TBC1D32: variants seen among roughly 807,000 people sequenced by gnomAD.
The protein encoded by TBC1D32 is protein broad-minded.
TBC1D32 carries 151 observed loss-of-function variants against 170.3 expected under a neutral mutation model. That is an observed-to-expected ratio of 0.89 (90% confidence interval 0.78 to 1.01). The LOEUF is 1.01. Among genes scored for constraint, TBC1D32 ranks in the 50% least tolerant of loss-of-function variants. The pLI is 0.00. For missense variants in TBC1D32, 1,464 were observed against 1,457.1 expected (o/e 1.00, Z -0.08); for synonymous variants, 498 against 488.0 (o/e 1.02, Z -0.27).
intron 24 of TBC1D32, among the ~76,000 whole-genome samples, chr6:121,132,297 C>A (rs532364007): frequency 6.6e-6 from 1 of 152,044 alleles, no homozygotes; most frequent in African/African-American, 2.4e-5. Flanking sequence ...ACAGCAAGTG[C>A]AAGATCACGT....
chr6:121,300,165 C>T (rs1806250190), intron 9 of TBC1D32, among the ~76,000 whole-genome samples: 4 of 151,962 alleles, frequency 2.6e-5, no homozygotes, highest in Admixed American at 2.0e-4. Flanking sequence ...AAATATTGGC[C>T]GGGCACAGTG....
At chr6:121,192,400 G>T (rs1035363627) in intron 22 of TBC1D32, 1 of 152,068 alleles carries the variant, frequency 6.6e-6, no homozygotes, top group Non-Finnish European at 1.5e-5. Context: ...GAGAACCAAG[G>T]AACATAATGA....
intron 24 of TBC1D32, among the ~76,000 whole-genome samples, chr6:121,158,306 T>C (rs1785172491): frequency 6.6e-6 from 1 of 152,198 alleles, no homozygotes; most frequent in African/African-American, 2.4e-5. Context: ...GACTATGCTT[T>C]AGGACTAATT....
At chr6:121,231,021 G>A (rs1333591769) in intron 20 of TBC1D32, among the ~76,000 whole-genome samples, 4 of 152,036 alleles carry the variant, frequency 2.6e-5, no homozygotes, top group African/African-American at 9.7e-5. Flanking sequence ...TCACACATAT[G>A]AGTGAGAACA....
intron 20 of TBC1D32, among the ~76,000 whole-genome samples, chr6:121,234,795 T>A (rs1033747096): frequency 6.6e-6 from 1 of 152,114 alleles, no homozygotes; most frequent in African/African-American, 2.4e-5. Context: ...AAACTTATTT[T>A]GTCATATTAC....
chr6:121,263,839 T>C (rs1355380117), intron 15 of TBC1D32, among the ~76,000 whole-genome samples: 1 of 152,096 alleles, frequency 6.6e-6, no homozygotes, highest in Non-Finnish European at 1.5e-5. Context: ...GAATGACTCC[T>C]AGGTAAATAA....
chr6:121,191,313 G>A (rs996054896), intron 22 of TBC1D32, among the ~76,000 whole-genome samples: 2 of 152,052 alleles, frequency 1.3e-5, no homozygotes, highest in East Asian at 1.9e-4. Flanking sequence ...AATGTAAATC[G>A]CAATTCCTTT....
intron 31 of TBC1D32, among the ~76,000 whole-genome samples, chr6:121,082,819 T>C (rs1293122113): frequency 6.6e-6 from 1 of 151,924 alleles, no homozygotes; most frequent in Non-Finnish European, 1.5e-5. Flanking sequence ...GTAAATGCCC[T>C]GATAACTACA....
intron 1 of TBC1D32, among the ~76,000 whole-genome samples, chr6:121,333,152 G>C (rs1198180844): frequency 6.6e-6 from 1 of 152,136 alleles, no homozygotes; most frequent in Non-Finnish European, 1.5e-5. Flanking sequence ...CCAAGAGACA[G>C]TAAAGGTAGT....
chr6:121,097,431 CAT>C lies in TBC1D32; in HGVS notation c.3466-6392_3466-6391del, dbSNP rs1358628237. The stretch of plus-strand genomic sequence containing the variant: ...AGAAGACATTTATGCAGCCAACAAA[CAT>C]ATGAAAAAAAGTTCATTATCACTGG... On this transcript the variant is annotated intron_variant, in intron 30 of 31. Coordinates refer to ENST00000398212, the MANE Select transcript of TBC1D32 (RefSeq NM_152730.6). Among the ~76,000 whole-genome samples, 4 of 152,186 alleles carry C rather than the reference CAT, an allele frequency of 2.6e-5. No individual in the cohort carries two copies. In the East Asian group the frequency reaches 7.7e-4, roughly 29 times the overall value.
intron 24 of TBC1D32, among the ~76,000 whole-genome samples, chr6:121,145,887 G>T (rs939444579): frequency 3.3e-5 from 5 of 152,174 alleles, no homozygotes; most frequent in African/African-American, 1.2e-4. Context: ...TCTGTATAAA[G>T]TTGATGAAAA....
chr6:121,131,950 A>C (rs1781487233), intron 24 of TBC1D32, among the ~76,000 whole-genome samples, 198 bp from the exon 25 acceptor site: 1 of 152,026 alleles, frequency 6.6e-6, no homozygotes, highest in South Asian at 2.1e-4. Flanking sequence ...ACAATGAATT[A>C]CTGAATTATT....
chr6:121,236,888 A>T (rs1796397580), intron 20 of TBC1D32: 1 of 152,084 alleles, frequency 6.6e-6, no homozygotes, highest in African/African-American at 2.4e-5. Flanking sequence ...CCCACTATGT[A>T]TCATAATTTT....
intron 9 of TBC1D32, among the ~76,000 whole-genome samples, chr6:121,302,421 T>C (rs1402841710): frequency 6.6e-6 from 1 of 152,134 alleles, no homozygotes; most frequent in Non-Finnish European, 1.5e-5. Context: ...TAGAACACAC[T>C]TCAGAATGTG....
At chr6:121,117,483 C>T (rs9401368) in intron 26 of TBC1D32, among the ~76,000 whole-genome samples, 96,757 of 151,968 alleles carry the variant, frequency 0.64, 36,580 homozygotes, top group Non-Finnish European at 0.84. Flanking sequence ...GGATGGATTA[C>T]TTGAGGTCAT....
intron 21 of TBC1D32, among the ~76,000 whole-genome samples, chr6:121,213,499 TA>T (rs1194081172): frequency 6.7e-4 from 3 of 4,478 alleles, no homozygotes; most frequent in African/African-American, 1.1e-3. Flanking sequence ...TAAAATAAAA[TA>T]AAATAAAATA....
At chr6:121,176,630 C>G (rs142916940) in intron 22 of TBC1D32, among the ~76,000 whole-genome samples, 8 of 151,864 alleles carry the variant, frequency 5.3e-5, no homozygotes, top group Non-Finnish European at 1.2e-4. Context: ...TGGAGTTTCA[C>G]TCTTGTCCCC....
At chr6:121,284,580 T>C (rs889256252) in intron 12 of TBC1D32, among the ~76,000 whole-genome samples, 5 of 152,272 alleles carry the variant, frequency 3.3e-5, no homozygotes, top group East Asian at 3.9e-4. Context: ...ATGTGGCCCA[T>C]AGACAAAATT....
At position 121,239,315 on chromosome 6, in the gene TBC1D32, T is replaced by TA. The variant is rs1337549258; in HGVS notation, c.2246-128dup. 5 of 469,698 alleles carry TA rather than the reference T, an allele frequency of 1.1e-5. No individual in the cohort carries two copies. In the East Asian group the frequency reaches 1.5e-4, roughly 14 times the overall value. The allele number at this position is 469,698 out of a possible 1,614,324, so 29.1% of individuals were successfully genotyped here. A position where few individuals can be genotyped will look rare whatever the true frequency, so the allele number is the denominator to read the frequency against. On this transcript the variant is annotated intron_variant, in intron 19 of 31. Coordinates refer to ENST00000398212, the MANE Select transcript of TBC1D32 (RefSeq NM_152730.6). Reference sequence around the variant, plus strand: ...AGAAGACACATACTTGCATCTTATATAAAAAATAATCTCTTCTTGGTAGAA... The same window carrying TA: ...AGAAGACACATACTTGCATCTTATATAAAAAAATAATCTCTTCTTGGTAGAA...
Sources: gnomAD v4.1 joint callset for allele counts (sites outside exome capture counted in the v4.1 genomes callset) on GRCh38, gnomAD v4.1.1 for gene constraint, MANE v1.5 for transcripts, NCBI Gene and HGNC (gene_info 2026-07-23, HGNC 2026-07-21) for gene names.